Variants in TGM3 observed in about 807,000 individuals in gnomAD.
TGM3 encodes the protein protein-glutamine gamma-glutamyltransferase E.
Under a neutral mutation model 73.8 loss-of-function variants are expected in TGM3, and 52 were observed. The ratio of observed to expected loss-of-function variants is 0.70; its 90% CI spans 0.56 to 0.89. The LOEUF is 0.89. TGM3 is among the 40% of genes least tolerant of loss of function. The pLI, the probability that TGM3 is intolerant of heterozygous loss-of-function variation, is 0.00. For missense variants in TGM3, 928 were observed against 909.9 expected (o/e 1.02, Z -0.26); for synonymous variants, 372 against 354.9 (o/e 1.05, Z -0.54).
chr20:2,331,880 T>G, intron 9 of TGM3, 122 bp from the exon 10 acceptor site: 1 of 1,174,488 alleles, frequency 8.5e-7, no homozygotes, highest in Middle Eastern at 2.1e-4. Context: ...GAAAGTCGAA[T>G]GCCTGCTAGG....
chr20:2,335,007 G>A, intron 10 of TGM3, 109 bp from the exon 11 acceptor site: 1 of 1,400,882 alleles, frequency 7.1e-7, no homozygotes, highest in Admixed American at 1.8e-5. Context: ...GCCCGGGGCT[G>A]CAGATCCTCC....
chr20:2,307,771 A>G (rs1249073015), intron 1 of TGM3, among the ~76,000 whole-genome samples: 1 of 152,172 alleles, frequency 6.6e-6, no homozygotes, highest in Non-Finnish European at 1.5e-5. Context: ...TGAATACTTC[A>G]TATTCACTTT....
Position 2,334,956 on chromosome 20 carries a change from G to T in TGM3, c.1643-160G>T, listed in dbSNP as rs2084340802. 6.6e-6 allele frequency among the ~76,000 whole-genome samples: 1 copy of T among 152,108 alleles called. No homozygotes were observed. Among genetic ancestry groups the T allele is most frequent in the African/African-American group, 2.4e-5 (1 of 41,412 alleles). ...GCTCTGGAGCCCACCCTGACCGGGG[G>T]ACGCTTCCCACAGGACCTGGCCCAA... On this transcript the variant is annotated intron_variant, in intron 10 of 12. Transcript: ENST00000381458. This position sits in a 1 kb window ranked among gnomAD's most constrained non-coding sequence, Gnocchi z 4.0.
chr20:2,321,100 T>C (rs2084260424), intron 7 of TGM3, among the ~76,000 whole-genome samples: 1 of 152,218 alleles, frequency 6.6e-6, no homozygotes, highest in South Asian at 2.1e-4. Context: ...AACTGGCTCC[T>C]AGGCCCTTAG....
chr20:2,307,975 A>G (rs2084184040), intron 1 of TGM3, among the ~76,000 whole-genome samples: 1 of 152,154 alleles, frequency 6.6e-6, no homozygotes, highest in South Asian at 2.1e-4. Flanking sequence ...TAATCCCAGC[A>G]CTTTGGGATG....
At chr20:2,320,805 C>T (rs1300541437) in intron 7 of TGM3, among the ~76,000 whole-genome samples, 2 of 152,274 alleles carry the variant, frequency 1.3e-5, no homozygotes, top group Non-Finnish European at 2.9e-5. Flanking sequence ...GAGCAGCAGC[C>T]GAATGATTTG....
chr20:2,324,295 G>T (rs184549624), intron 7 of TGM3, among the ~76,000 whole-genome samples: 1 of 150,880 alleles, frequency 6.6e-6, no homozygotes, highest in Non-Finnish European at 1.5e-5. Flanking sequence ...CCTTTATTTC[G>T]TTGAGCCTCG....
intron 6 of TGM3, 24 bp from the exon 7 acceptor site, chr20:2,317,326 C>T: frequency 6.2e-7 from 1 of 1,614,048 alleles, no homozygotes; most frequent in East Asian, 2.2e-5. Context: ...CCACCTGAGT[C>T]CTCACGCCCA....
intron 12 of TGM3, 113 bp from the exon 13 acceptor site, chr20:2,340,321 A>C (rs2084374401): frequency 6.8e-7 from 1 of 1,460,644 alleles, no homozygotes; most frequent in Admixed American, 2.0e-5. Flanking sequence ...GGAGCTAAAG[A>C]AGCAGTGGCC....
At chr20:2,307,363 T>A (rs1399380146) in intron 1 of TGM3, among the ~76,000 whole-genome samples, 1 of 151,956 alleles carries the variant, frequency 6.6e-6, no homozygotes, top group Admixed American at 6.6e-5. Context: ...CCCCACTCTC[T>A]CCTGTCTCAC....
In TGM3 at chr20:2,338,120, A is replaced by G. The variant is rs370104646; in HGVS notation, c.1801-1734A>G. Among the ~76,000 whole-genome samples, 16 of 152,300 alleles carry G rather than the reference A, an allele frequency of 1.1e-4. No individual in the cohort carries two copies. In the East Asian group the frequency reaches 1.9e-3, roughly 18 times the overall value. On this transcript the variant is annotated intron_variant, in intron 11 of 12. Transcript: ENST00000381458. ...AGGTGATCTGTATGAAAAGATAATA[A>G]TTTGGGTAAAACCCCATTATCTAAC...
At chr20:2,316,980 C>A in intron 5 of TGM3, 88 bp from the exon 6 acceptor site, 2 of 1,490,198 alleles carry the variant, frequency 1.3e-6, no homozygotes, top group South Asian at 1.2e-5. Flanking sequence ...TTCCTCATCT[C>A]CCCACCTTGT....
At chr20:2,296,379 C>T (rs180761721) in intron 1 of TGM3, among the ~76,000 whole-genome samples, 3 of 152,226 alleles carry the variant, frequency 2.0e-5, no homozygotes, top group Admixed American at 6.5e-5. Flanking sequence ...GTTTGCGTTT[C>T]TTTTACACAT....
At chr20:2,336,642 T>A (rs1312075798) in intron 11 of TGM3, among the ~76,000 whole-genome samples, 6 of 151,168 alleles carry the variant, frequency 4.0e-5, no homozygotes, top group Non-Finnish European at 7.4e-5. Flanking sequence ...ACTGTCCTGG[T>A]TAGTTTGGAC....
chr20:2,334,925 C>T lies in TGM3; in HGVS notation c.1643-191C>T, dbSNP rs565916870. Among the ~76,000 whole-genome samples, 183 of 152,330 alleles carry T rather than the reference C, an allele frequency of 1.2e-3. 1 individual carries two copies. Among genetic ancestry groups the T allele is most frequent in the African/African-American group, 4.2e-3 (174 of 41,576 alleles). On this transcript the variant is annotated intron_variant, in intron 10 of 12. Transcript: ENST00000381458. This position sits in a 1 kb window ranked among gnomAD's most constrained non-coding sequence, Gnocchi z 4.0. ...CAGAGAGAGTCCTGGGGCCTCTTTG[C>T]CCCCTGCTCTGGAGCCCACCCTGAC...
chr20:2,317,330 AC>A lies in TGM3; in HGVS notation c.848-19del. The A allele has an allele frequency of 6.2e-7, 1 of 1,614,102 alleles. No homozygotes were observed. The highest frequency in any genetic ancestry group is 2.2e-5 in the East Asian group (1 of 44,872). On this transcript the variant is annotated intron_variant, in intron 6 of 12. Transcript: ENST00000381458. ...TACCATCTCCACCACCTGAGTCCTC[AC>A]GCCCACCCTGACTTGCAGCGCTGCG...
At chr20:2,327,456 G>A (rs952355325) in intron 8 of TGM3, among the ~76,000 whole-genome samples, 2 of 152,184 alleles carry the variant, frequency 1.3e-5, no homozygotes, top group African/African-American at 2.4e-5. Flanking sequence ...CAGACTGGGC[G>A]ACAGAGCACG....
At position 2,334,755 on chromosome 20, in the gene TGM3, A is replaced by G. The variant is rs1052485848; in HGVS notation, c.1643-361A>G. ...GTCCAGGAGTTTGAGACCAGCCTGG[A>G]CAACATAGAGAGACCCCATCTCTAC... is the stretch of plus-strand genomic sequence containing the variant. On this transcript the variant is annotated intron_variant, in intron 10 of 12. Transcript: ENST00000381458. This position sits in a 1 kb window ranked among gnomAD's most constrained non-coding sequence, Gnocchi z 4.0. Among the ~76,000 whole-genome samples the G allele has an allele frequency of 6.6e-6, 1 of 152,134 alleles. No homozygotes were observed. Among genetic ancestry groups the G allele is most frequent in the African/African-American group, 2.4e-5 (1 of 41,418 alleles).
At chr20:2,302,714 T>TAAAAAAAAAAAAAAAAAAAAAAA (rs56347560) in intron 1 of TGM3, among the ~76,000 whole-genome samples, 1 of 105,260 alleles carries the variant, frequency 9.5e-6, no homozygotes, top group African/African-American at 3.1e-5. Flanking sequence ...AGAGGTTTTC[T>TAAAAAAAAAAAAAAAAAAAAAAA]AAAAAAAAAA....
Sources: gnomAD v4.1 joint callset for allele counts (sites outside exome capture counted in the v4.1 genomes callset) on GRCh38, gnomAD v4.1.1 for gene constraint, Gnocchi (gnomAD v3.1) non-coding constraint, MANE v1.5 for transcripts, NCBI Gene and HGNC (gene_info 2026-07-23, HGNC 2026-07-21) for gene names.